TBC1D9: variants seen among roughly 807,000 people sequenced by gnomAD.
The protein encoded by TBC1D9 is TBC1 domain family member 9A.
TBC1D9 carries 63 observed loss-of-function variants against 132.0 expected under a neutral mutation model. That is an observed-to-expected ratio of 0.48 (90% CI 0.39 to 0.59). TBC1D9 has a LOEUF of 0.59. Among genes scored for constraint, TBC1D9 ranks in the 20% least tolerant of loss-of-function variants. The pLI is 0.00. For synonymous variants in TBC1D9, 610 were observed against 609.9 expected (o/e 1.00, Z 0.00); for missense variants, 1,261 against 1,592.7 (o/e 0.79, Z 3.54).
chr4:140,689,909 C>A (rs1737851446), intron 2 of TBC1D9, among the ~76,000 whole-genome samples: 1 of 150,456 alleles, frequency 6.6e-6, no homozygotes, highest in South Asian at 2.1e-4. Flanking sequence ...TCACTACACC[C>A]TGTTAATTGT....
intron 1 of TBC1D9, among the ~76,000 whole-genome samples, chr4:140,710,289 C>T (rs1293959240): frequency 1.3e-5 from 2 of 152,020 alleles, no homozygotes; most frequent in African/African-American, 2.4e-5. Flanking sequence ...AGGTGATCCC[C>T]GAGAGACCCC....
At chr4:140,664,438 A>G (rs1194774658) in intron 9 of TBC1D9, among the ~76,000 whole-genome samples, 1 of 152,194 alleles carries the variant, frequency 6.6e-6, no homozygotes, top group African/African-American at 2.4e-5. Context: ...GATTCAACAC[A>G]ATACCTATCA....
chr4:140,696,716 C>T (rs1231499621), intron 2 of TBC1D9, among the ~76,000 whole-genome samples: 1 of 152,022 alleles, frequency 6.6e-6, no homozygotes. Context: ...AGACATTGGT[C>T]GCAGATGCTC....
intron 8 of TBC1D9, 80 bp downstream of exon 8, chr4:140,669,554 G>C: frequency 7.1e-7 from 1 of 1,414,494 alleles, no homozygotes; most frequent in Non-Finnish European, 9.6e-7. Flanking sequence ...AGGCATGTGT[G>C]AATTTACTTA....
rs778423054 is a variant in TBC1D9, at chr4:140,668,911, C to T, written c.1588+6G>A. 1 of 1,613,412 alleles carries T rather than the reference C, an allele frequency of 6.2e-7. No homozygotes were observed. Among genetic ancestry groups the T allele is most frequent in the Non-Finnish European group, 8.5e-7 (1 of 1,179,722 alleles). On this transcript the variant is annotated splice_donor_region_variant and intron_variant, in intron 9 of 20. Coordinates refer to ENST00000442267, the MANE Select transcript of TBC1D9 (RefSeq NM_015130.3). ...GACGCCAGCATTCCCAGCCCAGCGGCCGTACCTGACAGCAGCAGCCAGAGC... is the reference window on the plus strand; with the variant it reads ...GACGCCAGCATTCCCAGCCCAGCGGTCGTACCTGACAGCAGCAGCCAGAGC...
At chr4:140,714,593 C>G (rs1738301893) in intron 1 of TBC1D9, among the ~76,000 whole-genome samples, 1 of 152,190 alleles carries the variant, frequency 6.6e-6, no homozygotes, top group African/African-American at 2.4e-5. Flanking sequence ...AATGTTTTCT[C>G]TTCAGACCTT....
intron 1 of TBC1D9, among the ~76,000 whole-genome samples, chr4:140,747,815 C>T (rs559781414): frequency 7.2e-5 from 11 of 152,170 alleles, no homozygotes; most frequent in South Asian, 4.2e-4. Context: ...TGGGTTGGGA[C>T]GATGGAGGGC....
chr4:140,682,642 A>G (rs1239309821), intron 3 of TBC1D9, among the ~76,000 whole-genome samples: 1 of 152,226 alleles, frequency 6.6e-6, no homozygotes, highest in Non-Finnish European at 1.5e-5. Context: ...TAACTGAATG[A>G]GAACCTGCTA....
intron 13 of TBC1D9, 68 bp from the exon 14 acceptor site, chr4:140,639,496 T>C: frequency 9.2e-7 from 1 of 1,083,544 alleles, no homozygotes; most frequent in Non-Finnish European, 1.4e-6. Flanking sequence ...GTCTGCAGAA[T>C]GCCTGCAACA....
At chr4:140,681,944 T>C (rs929133397) in intron 3 of TBC1D9, among the ~76,000 whole-genome samples, 4 of 152,220 alleles carry the variant, frequency 2.6e-5, no homozygotes, top group Admixed American at 1.3e-4. Flanking sequence ...ATAGCATGTT[T>C]ATATGTCCTT....
intron 20 of TBC1D9, 54 bp downstream of exon 20, chr4:140,624,062 T>C (rs1489403942): frequency 9.2e-6 from 13 of 1,412,582 alleles, no homozygotes; most frequent in South Asian, 1.3e-5. Flanking sequence ...TTTTCAGTCA[T>C]AGAAAAAAGA....
chr4:140,674,669 G>C (rs1283392835), intron 6 of TBC1D9, among the ~76,000 whole-genome samples: 1 of 147,742 alleles, frequency 6.8e-6, no homozygotes, highest in Non-Finnish European at 1.5e-5. Flanking sequence ...AAATTACATT[G>C]TAGAAGAATA....
chr4:140,756,018 G>C lies in TBC1D9; in HGVS notation c.28C>G (p.Leu10Val). The change falls in exon 1 of 21, where the codon CTG (leucine) becomes GTG (valine). Residue 10 changes from leucine (L) to valine (V), a missense_variant. By Grantham distance (32) the Leu-to-Val change is conservative (BLOSUM62 1). Transcript: ENST00000442267. This position sits in a 1 kb window ranked among gnomAD's most constrained non-coding sequence, Gnocchi z 5.6. ...TCGGTGATCCACAGCGCGTTGGCCA[G>C]CAACACCTCCTCCGGGTTCACCCAC... MWVNPEEVL[L>V]ANALWITERA... The C allele has an allele frequency of 6.2e-7, 1 of 1,609,514 alleles. No homozygotes were observed. The highest frequency in any genetic ancestry group is 8.5e-7 in the Non-Finnish European group (1 of 1,177,622).
intron 1 of TBC1D9, among the ~76,000 whole-genome samples, chr4:140,736,499 C>G (rs940551219): frequency 6.6e-6 from 1 of 151,958 alleles, no homozygotes; most frequent in South Asian, 2.1e-4. Context: ...AAGATCATGC[C>G]GCTGTACTCC....
chr4:140,658,210 ATGTAAATCTG>A (rs958698497), intron 11 of TBC1D9, among the ~76,000 whole-genome samples: 2 of 152,330 alleles, frequency 1.3e-5, no homozygotes, highest in Non-Finnish European at 2.9e-5. Flanking sequence ...ATGGGTTGTC[ATGTAAATCTG>A]TCATGTGAAC....
Position 140,672,862 on chromosome 4 carries a change from T to A in TBC1D9, c.1060-1936A>T, listed in dbSNP as rs370479794. On this transcript the variant is annotated intron_variant, in intron 6 of 20. Transcript: ENST00000442267. ...TTAATATGAAACACTGGAAAGTAAT[T>A]TATGAATGAAAAAAAAGGCTAGGCA... Among the ~76,000 whole-genome samples, 148 of 152,192 alleles carry A rather than the reference T, an allele frequency of 9.7e-4. 2 individuals are homozygous for A. In the South Asian group the frequency reaches 0.029, roughly 30 times the overall value.
chr4:140,725,134 T>A (rs1738478908), intron 1 of TBC1D9, among the ~76,000 whole-genome samples: 1 of 152,148 alleles, frequency 6.6e-6, no homozygotes, highest in South Asian at 2.1e-4. Context: ...AGTTTTATAG[T>A]ATATGCCGAA....
At chr4:140,679,935 T>TA (rs35543802) in intron 3 of TBC1D9, 92 bp from the exon 4 acceptor site, 316,528 of 857,148 alleles carry the variant, frequency 0.37, 32,207 homozygotes, top group South Asian at 0.43. Flanking sequence ...AGGCTAGAAT[T>TA]AAAAAAAAAA....
chr4:140,700,555 C>T (rs1738051921), intron 2 of TBC1D9, among the ~76,000 whole-genome samples: 1 of 151,816 alleles, frequency 6.6e-6, no homozygotes, highest in African/African-American at 2.4e-5. Flanking sequence ...TGCAGTGGCT[C>T]ACACCTGTAA....
Sources: allele counts gnomAD v4.1 joint callset (sites outside exome capture counted in the v4.1 genomes callset), GRCh38; gene constraint gnomAD v4.1.1; non-coding constraint Gnocchi (gnomAD v3.1); transcripts MANE v1.5; gene names NCBI Gene and HGNC (gene_info 2026-07-23, HGNC 2026-07-21).